Variants in FAM168A observed in about 807,000 individuals in gnomAD.
FAM168A encodes protein FAM168A.
A neutral mutation model predicts 28.5 loss-of-function variants in FAM168A; 3 were observed. The observed-to-expected ratio is 0.11, with a 90% confidence interval of 0.05 to 0.27. The LOEUF is 0.27. FAM168A is among the 10% of genes least tolerant of loss of function. FAM168A has a pLI of 1.00. For missense variants in FAM168A, 222 were observed against 311.5 expected (o/e 0.71, Z 2.16); for synonymous variants, 122 against 124.2 (o/e 0.98, Z 0.12).
chr11:73,449,994 T>G (rs1397084919), intron 2 of FAM168A, among the ~76,000 whole-genome samples: 1 of 152,244 alleles, frequency 6.6e-6, no homozygotes, highest in African/African-American at 2.4e-5. Context: ...TTTCAAGTAA[T>G]CACACTTTTG....
chr11:73,424,607 G>A (rs906483993), intron 3 of FAM168A, among the ~76,000 whole-genome samples: 3 of 152,144 alleles, frequency 2.0e-5, no homozygotes, highest in Non-Finnish European at 4.4e-5. Context: ...TCAGACTGCC[G>A]ATGGAGATGG....
At chr11:73,511,228 T>C (rs1855219164) in intron 1 of FAM168A, among the ~76,000 whole-genome samples, 1 of 151,772 alleles carries the variant, frequency 6.6e-6, no homozygotes, top group Admixed American at 6.6e-5. Flanking sequence ...CCAGTAGCAC[T>C]GAATTTTTCT....
At chr11:73,439,710 GCTT>G (rs1867157760) in intron 2 of FAM168A, among the ~76,000 whole-genome samples, 1 of 152,002 alleles carries the variant, frequency 6.6e-6, no homozygotes, top group South Asian at 2.1e-4. Context: ...GTGTGCTGTT[GCTT>G]CTTTTTTCTC....
At chr11:73,490,132 T>C (rs965780666) in intron 1 of FAM168A, among the ~76,000 whole-genome samples, 3 of 152,208 alleles carry the variant, frequency 2.0e-5, no homozygotes, top group Non-Finnish European at 4.4e-5. Flanking sequence ...AATTTTGGTG[T>C]TGTTCTTGAC....
intron 2 of FAM168A, among the ~76,000 whole-genome samples, chr11:73,445,776 AC>A (rs1422713533): frequency 6.6e-6 from 1 of 152,176 alleles, no homozygotes; most frequent in African/African-American, 2.4e-5. Flanking sequence ...GTTTAGAGCT[AC>A]CATTAGGTTA....
At chr11:73,571,909 G>A (rs1270365111) in intron 1 of FAM168A, among the ~76,000 whole-genome samples, 5 of 142,864 alleles carry the variant, frequency 3.5e-5, no homozygotes, top group East Asian at 2.5e-4. Flanking sequence ...CCACCGCCCC[G>A]TCTGGGATGT....
At chr11:73,545,245 C>G (rs1943732281) in intron 1 of FAM168A, among the ~76,000 whole-genome samples, 1 of 150,348 alleles carries the variant, frequency 6.7e-6, no homozygotes, top group Non-Finnish European at 1.5e-5. Context: ...AGGCTGGTCT[C>G]TAACTCCTGA....
chr11:73,423,031 T>C (rs1866826015), intron 3 of FAM168A, among the ~76,000 whole-genome samples: 1 of 152,242 alleles, frequency 6.6e-6, no homozygotes, highest in African/African-American at 2.4e-5. Context: ...TTATTAGCTA[T>C]GGGACCTTGG....
At chr11:73,416,488 A>G (rs1866696930) in intron 4 of FAM168A, among the ~76,000 whole-genome samples, 1 of 152,224 alleles carries the variant, frequency 6.6e-6, no homozygotes, top group Non-Finnish European at 1.5e-5. Flanking sequence ...ACAGTGATGA[A>G]TCAGCAGGAG....
chr11:73,516,178 A>G (rs1002258131), intron 1 of FAM168A, among the ~76,000 whole-genome samples: 7 of 152,080 alleles, frequency 4.6e-5, no homozygotes, highest in African/African-American at 1.7e-4. Context: ...CTTTGGGGGA[A>G]CATCTGGGAG....
chr11:73,409,706 G>A (rs754029318), intron 5 of FAM168A, 45 bp from the exon 6 acceptor site: 1 of 1,560,530 alleles, frequency 6.4e-7, no homozygotes, highest in African/African-American at 1.4e-5. Context: ...GGAGAGGTAG[G>A]TGGGATATGG....
intron 2 of FAM168A, among the ~76,000 whole-genome samples, chr11:73,448,298 A>T (rs1197356185): frequency 2.6e-5 from 4 of 152,136 alleles, no homozygotes; most frequent in African/African-American, 9.7e-5. Context: ...CGCCCGCCTC[A>T]GCCTCCCAAA....
chr11:73,425,975 G>C (rs1866878459), intron 3 of FAM168A, among the ~76,000 whole-genome samples: 1 of 152,220 alleles, frequency 6.6e-6, no homozygotes, highest in South Asian at 2.1e-4. Flanking sequence ...CTTGTGCAGG[G>C]CTTGGAACAG....
chr11:73,409,434 G>T (rs972771418), intron 6 of FAM168A, 53 bp downstream of exon 6: 2 of 1,605,068 alleles, frequency 1.2e-6, no homozygotes, highest in East Asian at 4.5e-5. Flanking sequence ...TCTCTGCTCC[G>T]TTTTGAGTTC....
At chr11:73,544,977 A>ATATT (rs1314138694) in intron 1 of FAM168A, among the ~76,000 whole-genome samples, 1 of 83,880 alleles carries the variant, frequency 1.2e-5, no homozygotes, top group Non-Finnish European at 2.0e-5. Context: ...TATATTATAT[A>ATATT]ATATATTTTA....
At chr11:73,576,759 G>A (rs1944181623) in intron 1 of FAM168A, among the ~76,000 whole-genome samples, 1 of 152,122 alleles carries the variant, frequency 6.6e-6, no homozygotes, top group Non-Finnish European at 1.5e-5. Flanking sequence ...CAGGAGGGAA[G>A]AATCTGAACT....
At chr11:73,470,908 C>T (rs1257755669) in intron 1 of FAM168A, among the ~76,000 whole-genome samples, 1 of 152,154 alleles carries the variant, frequency 6.6e-6, no homozygotes, top group East Asian at 1.9e-4. Flanking sequence ...ATCAAAGAAA[C>T]TCATCAGCTT....
chr11:73,473,932 C>T (rs1485650391), intron 1 of FAM168A, among the ~76,000 whole-genome samples: 1 of 151,792 alleles, frequency 6.6e-6, no homozygotes, highest in East Asian at 1.9e-4. Context: ...GCCTCAGCTT[C>T]CCAAGTAGCT....
At chr11:73,571,228 TCCCCCTCCCCC>T (rs1944082917) in intron 1 of FAM168A, among the ~76,000 whole-genome samples, 1 of 38,374 alleles carries the variant, frequency 2.6e-5, no homozygotes, top group African/African-American at 1.0e-4. Flanking sequence ...CCTCTCCCCC[TCCCCCTCCCCC>T]CCCCCTCCCC....
Sources: allele counts gnomAD v4.1 joint callset (sites outside exome capture counted in the v4.1 genomes callset), GRCh38; gene constraint gnomAD v4.1.1; transcripts MANE v1.5; gene names NCBI Gene and HGNC (gene_info 2026-07-23, HGNC 2026-07-21).